Variants in RAI1 observed in about 807,000 individuals in gnomAD.
RAI1 encodes retinoic acid-induced protein 1.
RAI1 carries 9 observed loss-of-function variants against 123.8 expected under a neutral mutation model. The observed-to-expected ratio is 0.07, with a 90% CI of 0.04 to 0.13. The LOEUF is 0.13. Among genes scored for constraint, RAI1 ranks in the 10% least tolerant of loss-of-function variants. The pLI, the probability that RAI1 is intolerant of heterozygous loss-of-function variation, is 1.00. For synonymous variants in RAI1, 1,231 were observed against 1,127.3 expected (o/e 1.09, Z -1.84); for missense variants, 2,256 against 2,545.8 (o/e 0.89, Z 2.45).
At chr17:17,783,591 C>G (rs1006092415) in intron 2 of RAI1, among the ~76,000 whole-genome samples, 4 of 152,186 alleles carry the variant, frequency 2.6e-5, no homozygotes, top group African/African-American at 7.2e-5. Context: ...TCCCCGTCCC[C>G]CTCTGCCCCA....
intron 2 of RAI1, among the ~76,000 whole-genome samples, chr17:17,773,478 A>G (rs2031239238): frequency 6.6e-6 from 1 of 152,164 alleles, no homozygotes; most frequent in South Asian, 2.1e-4. Flanking sequence ...AACCAGACCC[A>G]TAGAGTTCAA....
At chr17:17,759,589 A>G (rs1483927595) in intron 2 of RAI1, among the ~76,000 whole-genome samples, 1 of 151,818 alleles carries the variant, frequency 6.6e-6, no homozygotes, top group Non-Finnish European at 1.5e-5. Context: ...GCATACCCTC[A>G]GTGACCTGCT....
In RAI1 at chr17:17,733,204, G is replaced by A. The variant is rs117530096; in HGVS notation, c.-17+9045G>A. Among the ~76,000 whole-genome samples the A allele has an allele frequency of 9.7e-4, 147 of 152,248 alleles. 1 individual carries two copies. The East Asian group carries it at 0.024, about 25-fold the overall frequency. ...GGCATCCTGGCTTTCCCTGATCCGA[G>A]GCAGATTCTATCTTTGAAGCTCATC... On this transcript the variant is annotated intron_variant, in intron 2 of 5. Coordinates refer to ENST00000353383, the MANE Select transcript of RAI1 (RefSeq NM_030665.4).
chr17:17,807,916 C>T (rs2032626525), intron 4 of RAI1, among the ~76,000 whole-genome samples: 1 of 152,232 alleles, frequency 6.6e-6, no homozygotes, highest in Non-Finnish European at 1.5e-5. Context: ...ACTCCAGCTT[C>T]TGGAGACAAG....
chr17:17,760,894 G>A (rs1429799327), intron 2 of RAI1, among the ~76,000 whole-genome samples: 1 of 152,184 alleles, frequency 6.6e-6, no homozygotes, highest in Non-Finnish European at 1.5e-5. Context: ...TTGGCATCAA[G>A]GCGTGCCTAT....
chr17:17,694,899 A>G (rs1914968241), intron 1 of RAI1, among the ~76,000 whole-genome samples: 4 of 151,978 alleles, frequency 2.6e-5, no homozygotes, highest in South Asian at 4.1e-4. Flanking sequence ...GGGGGCTTCC[A>G]GTCCCAGCGT....
chr17:17,743,949 G>A (rs1237608472), intron 2 of RAI1, among the ~76,000 whole-genome samples: 1 of 152,228 alleles, frequency 6.6e-6, no homozygotes, highest in Non-Finnish European at 1.5e-5. Flanking sequence ...GGAGCTAAAA[G>A]GGAATGGAGG....
At chr17:17,734,178 A>G (rs1468220548) in intron 2 of RAI1, among the ~76,000 whole-genome samples, 1 of 152,160 alleles carries the variant, frequency 6.6e-6, no homozygotes, top group Non-Finnish European at 1.5e-5. Context: ...AGGGGTCCAC[A>G]TAGAAGGCAA....
At chr17:17,719,394 C>T (rs967761729) in intron 1 of RAI1, among the ~76,000 whole-genome samples, 1 of 152,180 alleles carries the variant, frequency 6.6e-6, no homozygotes, top group African/African-American at 2.4e-5. Flanking sequence ...GCTGCTGCCT[C>T]AGGGTCTTTG....
intron 1 of RAI1, among the ~76,000 whole-genome samples, chr17:17,688,528 C>T (rs1373705004): frequency 6.6e-6 from 1 of 152,092 alleles, no homozygotes; most frequent in East Asian, 1.9e-4. Context: ...ACAGGCCCCT[C>T]CTGGTTGCTG....
intron 1 of RAI1, among the ~76,000 whole-genome samples, chr17:17,699,388 G>C (rs554452772): frequency 7.9e-5 from 12 of 152,330 alleles, no homozygotes; most frequent in African/African-American, 2.9e-4. Context: ...GAGCCACCTG[G>C]ATCGAAGAAA....
In RAI1 at chr17:17,801,283, G is replaced by C. The variant is rs2032453193; in HGVS notation, c.5566-2473G>C. ...ATAGCGGGCTCCGGGCATTGTTAGG[G>C]GGCTAGGTGGTGTCTGCAGAGGCCC... is the stretch of plus-strand genomic sequence containing the variant. On this transcript the variant is annotated intron_variant, in intron 3 of 5. Transcript: ENST00000353383. This position sits in a 1 kb window ranked among gnomAD's most constrained non-coding sequence, Gnocchi z 4.1. Among the ~76,000 whole-genome samples, 3 of 152,148 alleles carry C rather than the reference G, an allele frequency of 2.0e-5. No individual in the cohort carries two copies. The highest frequency in any genetic ancestry group is 7.2e-5 in the African/African-American group (3 of 41,424).
At chr17:17,737,570 T>C (rs1335210037) in intron 2 of RAI1, among the ~76,000 whole-genome samples, 1 of 152,130 alleles carries the variant, frequency 6.6e-6, no homozygotes, top group Non-Finnish European at 1.5e-5. Context: ...AATGGTTAAA[T>C]TTAATTTAAT....
intron 2 of RAI1, among the ~76,000 whole-genome samples, chr17:17,769,472 G>C (rs2031064138): frequency 6.6e-6 from 1 of 152,250 alleles, no homozygotes. Context: ...GGTCAGGGCT[G>C]GAGGAGCAGA....
Position 17,797,815 on chromosome 17 carries a change from C to T in RAI1, c.4867C>T (p.Pro1623Ser), listed in dbSNP as rs771576870. ...VVNSPGDAPK[P>S]HRKPSSSASS... The stretch of plus-strand genomic sequence containing the variant: ...CAACTCCCCTGGAGATGCGCCCAAG[C>T]CCCACAGGAAGCCTTCCTCCTCTGC... Residue 1623 changes from proline to serine, a missense_variant, in exon 3 of 6, where the codon CCC becomes TCC. Transcript: ENST00000353383. 2.5e-6 allele frequency: 4 copies of T among 1,614,058 alleles called. No homozygotes were observed. In the Admixed American group the frequency reaches 6.7e-5, roughly 27 times the overall value.
chr17:17,735,804 A>G (rs1209424087), intron 2 of RAI1, among the ~76,000 whole-genome samples: 2 of 152,188 alleles, frequency 1.3e-5, no homozygotes, highest in African/African-American at 4.8e-5. Flanking sequence ...TTCTAAGCGC[A>G]AAGTGCCTAG....
intron 1 of RAI1, among the ~76,000 whole-genome samples, chr17:17,722,523 C>T (rs1347140511): frequency 6.6e-6 from 1 of 152,212 alleles, no homozygotes; most frequent in Admixed American, 6.5e-5. Context: ...TCCCCTCGGC[C>T]GCCGGGAAAC....
chr17:17,752,507 G>T (rs1478574882), intron 2 of RAI1, among the ~76,000 whole-genome samples: 1 of 152,202 alleles, frequency 6.6e-6, no homozygotes, highest in African/African-American at 2.4e-5. Context: ...TGGGATAGGG[G>T]TGAGTGCTCC....
At position 17,793,252 on chromosome 17, in the gene RAI1, G is replaced by A. The variant is rs762006898; in HGVS notation, c.304G>A (p.Val102Ile). The change falls in exon 3 of 6, where the codon GTC becomes ATC. Residue 102 changes from valine (V) to isoleucine (I), a missense_variant. Val to Ile is a conservative substitution (Grantham distance 29, BLOSUM62 3). Around this residue, in one of 7 missense-constraint regions of RAI1, gnomAD observed 336 missense variants for 349.8 expected, o/e 0.96. Coordinates refer to ENST00000353383, the MANE Select transcript of RAI1 (RefSeq NM_030665.4). Reference protein sequence around the residue: ...QGRPAFPGYGVQDSSPYPGRY... With the variant: ...QGRPAFPGYGIQDSSPYPGRY... ...GAGGCCGGCTTTCCCTGGCTACGGC[G>A]TCCAGGACAGCAGCCCCTACCCAGG... is the stretch of plus-strand genomic sequence containing the variant. 2.1e-5 allele frequency: 34 copies of A among 1,611,690 alleles called. No individual in the cohort carries two copies. Among genetic ancestry groups the A allele is most frequent in the East Asian group, 1.6e-4 (7 of 44,838 alleles).
Sources: allele counts gnomAD v4.1 joint callset (sites outside exome capture counted in the v4.1 genomes callset), GRCh38; gene constraint gnomAD v4.1.1; regional missense constraint gnomAD v4.1.1; non-coding constraint Gnocchi (gnomAD v3.1); transcripts MANE v1.5; gene names NCBI Gene and HGNC (gene_info 2026-07-23, HGNC 2026-07-21).